GRID2: variants seen among roughly 807,000 people sequenced by gnomAD.
The protein encoded by GRID2 is glutamate receptor ionotropic, delta-2.
In GRID2, 33 loss-of-function variants were observed where a neutral mutation model predicts 114.8. The observed-to-expected ratio is 0.29, with a 90% CI of 0.22 to 0.38. The LOEUF is 0.38. Ranked by LOEUF, GRID2 falls within the 10% of genes least tolerant of loss-of-function variation. The pLI is 1.00. For synonymous variants in GRID2, 505 were observed against 449.9 expected (o/e 1.12, Z -1.55); for missense variants, 1,184 against 1,257.7 (o/e 0.94, Z 0.89).
chr4:93,709,779 T>A (rs1294261459), intron 14 of GRID2, among the ~76,000 whole-genome samples: 1 of 152,186 alleles, frequency 6.6e-6, no homozygotes, highest in Admixed American at 6.6e-5. Flanking sequence ...TTCTTTTATC[T>A]CTTCTGACTG....
At chr4:92,600,572 T>C (rs186964683) in intron 2 of GRID2, among the ~76,000 whole-genome samples, 177 of 152,304 alleles carry the variant, frequency 1.2e-3, no homozygotes, top group African/African-American at 3.8e-3. Flanking sequence ...CTATGGGGAC[T>C]TTTTCGTTGA....
intron 1 of GRID2, among the ~76,000 whole-genome samples, chr4:92,359,116 C>T (rs1047742694): frequency 9.2e-5 from 14 of 151,936 alleles, no homozygotes; most frequent in South Asian, 8.3e-4. Context: ...TAACTAACTA[C>T]CAAATTTTTA....
At chr4:92,364,250 T>C (rs1728749925) in intron 1 of GRID2, among the ~76,000 whole-genome samples, 1 of 152,106 alleles carries the variant, frequency 6.6e-6, no homozygotes, top group Non-Finnish European at 1.5e-5. Context: ...GCTAAATGTA[T>C]GTTTAAAAGA....
At chr4:93,366,375 G>A (rs1380426990) in intron 8 of GRID2, among the ~76,000 whole-genome samples, 1 of 152,060 alleles carries the variant, frequency 6.6e-6, no homozygotes, top group Non-Finnish European at 1.5e-5. Context: ...AGGTGAGATA[G>A]ACTCCAGTCT....
intron 2 of GRID2, among the ~76,000 whole-genome samples, chr4:92,758,225 A>C (rs1007794942): frequency 3.9e-5 from 6 of 152,086 alleles, no homozygotes; most frequent in African/African-American, 1.4e-4. Flanking sequence ...AGCTGAGAAT[A>C]GGAGAAGTGG....
chr4:93,476,737 T>A (rs745636079), intron 11 of GRID2, among the ~76,000 whole-genome samples: 1 of 152,120 alleles, frequency 6.6e-6, no homozygotes, highest in East Asian at 1.9e-4. Flanking sequence ...AAACAATACA[T>A]GTGATGGGAA....
intron 2 of GRID2, among the ~76,000 whole-genome samples, chr4:92,716,393 C>T (rs532253504): frequency 9.2e-5 from 14 of 152,206 alleles, no homozygotes; most frequent in Non-Finnish European, 1.8e-4. Context: ...GCAAAGCTGT[C>T]TGGCCCTGTA....
At chr4:92,335,133 G>A (rs754052199) in intron 1 of GRID2, among the ~76,000 whole-genome samples, 4 of 152,134 alleles carry the variant, frequency 2.6e-5, no homozygotes, top group Non-Finnish European at 5.9e-5. Context: ...CTTGTTGTTT[G>A]AAAGAACTGT....
At chr4:93,069,871 A>G (rs1728659279) in intron 2 of GRID2, among the ~76,000 whole-genome samples, 1 of 152,116 alleles carries the variant, frequency 6.6e-6, no homozygotes, top group South Asian at 2.1e-4. Context: ...TAGATTATAG[A>G]GCGAGCACAT....
intron 2 of GRID2, among the ~76,000 whole-genome samples, chr4:92,771,345 C>G (rs1211253295): frequency 6.6e-6 from 1 of 152,142 alleles, no homozygotes; most frequent in African/African-American, 2.4e-5. Context: ...TTGCCTTACT[C>G]TGTTTTGTAC....
intron 2 of GRID2, among the ~76,000 whole-genome samples, chr4:92,983,059 A>G (rs545462605): frequency 1.3e-5 from 2 of 152,154 alleles, no homozygotes; most frequent in East Asian, 3.9e-4. Flanking sequence ...AGGAAGGAAA[A>G]TCTCCCTCAT....
chr4:92,663,833 C>G (rs1417093444), intron 2 of GRID2, among the ~76,000 whole-genome samples: 1 of 151,098 alleles, frequency 6.6e-6, no homozygotes, highest in Non-Finnish European at 1.5e-5. Flanking sequence ...CTGGCATTCT[C>G]CTTTCTGACA....
chr4:93,762,621 T>C (rs1173375064), intron 14 of GRID2, among the ~76,000 whole-genome samples: 2 of 152,038 alleles, frequency 1.3e-5, no homozygotes, highest in African/African-American at 2.4e-5. Flanking sequence ...AGACATTAGA[T>C]AGATTGAAAG....
At chr4:93,392,107 C>T (rs1446609251) in intron 8 of GRID2, among the ~76,000 whole-genome samples, 2 of 152,092 alleles carry the variant, frequency 1.3e-5, no homozygotes, top group African/African-American at 4.8e-5. Context: ...TTGCCATCAG[C>T]AGTGTGACTT....
At chr4:92,407,796 T>C (rs1250418774) in intron 1 of GRID2, among the ~76,000 whole-genome samples, 1 of 152,124 alleles carries the variant, frequency 6.6e-6, no homozygotes, top group Non-Finnish European at 1.5e-5. Flanking sequence ...TTTTTGCTTG[T>C]TGATTTGTTT....
intron 10 of GRID2, among the ~76,000 whole-genome samples, chr4:93,447,386 A>C (rs1419541604): frequency 1.3e-5 from 2 of 152,012 alleles, no homozygotes; most frequent in African/African-American, 4.8e-5. Context: ...TGAAGGGAAA[A>C]AACAGTTCTT....
chr4:92,354,639 A>G lies in GRID2; in HGVS notation c.88+49895A>G, dbSNP rs915592826. Among the ~76,000 whole-genome samples, 7 of 151,966 alleles carry G rather than the reference A, an allele frequency of 4.6e-5. No homozygotes were observed. The South Asian group carries it at 1.0e-3, about 23-fold the overall frequency. ...TTTGTTGGAGACATAGATTTTATAC[A>G]TTATACAGATTGTGTCAGCAAGTCA... is the stretch of plus-strand genomic sequence containing the variant. On this transcript the variant is annotated intron_variant, in intron 1 of 15. Coordinates refer to ENST00000282020, the MANE Select transcript of GRID2 (RefSeq NM_001510.4).
At position 92,674,988 on chromosome 4, in the gene GRID2, T is replaced by C. The variant is rs553926113; in HGVS notation, c.244+84702T>C. ...TATTTTTGCTTCTTCATATGTCTAGTATATTTTCTTTATAATTTATATCAC... is the reference window on the plus strand; with the variant it reads ...TATTTTTGCTTCTTCATATGTCTAGCATATTTTCTTTATAATTTATATCAC... On this transcript the variant is annotated intron_variant, in intron 2 of 15. Transcript: ENST00000282020. 5.3e-5 allele frequency among the ~76,000 whole-genome samples: 8 copies of C among 152,320 alleles called. No homozygotes were observed. In the East Asian group the frequency reaches 1.5e-3, roughly 29 times the overall value.
intron 8 of GRID2, among the ~76,000 whole-genome samples, chr4:93,386,969 C>A (rs1764376606): frequency 6.6e-6 from 1 of 152,158 alleles, no homozygotes; most frequent in Non-Finnish European, 1.5e-5. Context: ...TTGACTGCAA[C>A]TCCCGTCAGA....
Sources: gnomAD v4.1 joint callset for allele counts (sites outside exome capture counted in the v4.1 genomes callset) on GRCh38, gnomAD v4.1.1 for gene constraint, MANE v1.5 for transcripts, NCBI Gene and HGNC (gene_info 2026-07-23, HGNC 2026-07-21) for gene names.